Variants in FZD3 observed in about 807,000 individuals in gnomAD.
FZD3 encodes the protein frizzled class receptor 3, also known as frizzled-3.
In FZD3, 30 loss-of-function variants were observed where a neutral mutation model predicts 60.7. The ratio of observed to expected loss-of-function variants is 0.49; its 90% CI spans 0.37 to 0.67. The LOEUF (loss-of-function observed/expected upper bound fraction) is 0.67, where lower values mean the gene tolerates loss of function less well. Among genes scored for constraint, FZD3 ranks in the 30% least tolerant of loss-of-function variants. FZD3 has a pLI of 0.00. For missense variants in FZD3, 605 were observed against 838.7 expected, an observed-to-expected ratio of 0.72 and a Z score of 3.44; for synonymous variants, 246 against 275.2, an observed-to-expected ratio of 0.89 and a Z score of 1.05.
chr8:28,500,416 C>T (rs1475300242), intron 2 of FZD3, among the ~76,000 whole-genome samples: 1 of 152,178 alleles, frequency 6.6e-6, no homozygotes, highest in East Asian at 1.9e-4. Context: ...TGAGATATTG[C>T]TCAGTTTCTT....
intron 3 of FZD3, among the ~76,000 whole-genome samples, chr8:28,517,612 G>A (rs1447146047): frequency 1.3e-5 from 2 of 151,842 alleles, no homozygotes; most frequent in African/African-American, 4.8e-5. Flanking sequence ...CCTTTTTTCT[G>A]TATTTTTTGG....
chr8:28,531,853 T>C lies in FZD3; in HGVS notation c.1404+3689T>C, dbSNP rs1309288173. Among the ~76,000 whole-genome samples the C allele has an allele frequency of 2.0e-5, 3 of 152,312 alleles. No individual in the cohort carries two copies. The East Asian group carries it at 5.8e-4, about 29-fold the overall frequency. On this transcript the variant is annotated intron_variant, in intron 5 of 7. Coordinates refer to ENST00000240093, the MANE Select transcript of FZD3 (RefSeq NM_017412.4). ...ATTTGCGTTACAGATATTTTCTGCT[T>C]TGTGGCTTGTCTTTTCACTTTATTT...
At chr8:28,529,248 T>C (rs746757158) in intron 5 of FZD3, among the ~76,000 whole-genome samples, 2 of 152,112 alleles carry the variant, frequency 1.3e-5, no homozygotes, top group South Asian at 2.1e-4. Flanking sequence ...CAAGTTTTCT[T>C]AAAAGAGTAC....
At chr8:28,547,517 A>C (rs1411184937) in intron 5 of FZD3, among the ~76,000 whole-genome samples, 1 of 152,196 alleles carries the variant, frequency 6.6e-6, no homozygotes, top group African/African-American at 2.4e-5. Flanking sequence ...AATATATGAG[A>C]GTATTCGTCC....
chr8:28,509,658 C>A (rs1172174219), intron 3 of FZD3, among the ~76,000 whole-genome samples: 1 of 152,190 alleles, frequency 6.6e-6, no homozygotes, highest in Non-Finnish European at 1.5e-5. Flanking sequence ...AAGTTGACCA[C>A]TCTATGTATT....
At chr8:28,547,343 A>G (rs563905737) in intron 5 of FZD3, among the ~76,000 whole-genome samples, 84 of 152,334 alleles carry the variant, frequency 5.5e-4, no homozygotes, top group Non-Finnish European at 1.1e-3. Context: ...ATATTTTACA[A>G]TTGGTATATG....
intron 7 of FZD3, among the ~76,000 whole-genome samples, chr8:28,560,772 G>A (rs989351713): frequency 6.6e-6 from 1 of 152,012 alleles, no homozygotes; most frequent in African/African-American, 2.4e-5. Context: ...TGGAAACTTG[G>A]AATAATCTTC....
chr8:28,526,769 G>T (rs1804723761), intron 4 of FZD3, among the ~76,000 whole-genome samples: 1 of 152,092 alleles, frequency 6.6e-6, no homozygotes, highest in Admixed American at 6.6e-5. Context: ...ACTATTTGAT[G>T]CATATAAAAC....
chr8:28,530,158 G>T (rs546529883), intron 5 of FZD3, among the ~76,000 whole-genome samples: 57 of 148,624 alleles, frequency 3.8e-4, no homozygotes, highest in Admixed American at 1.6e-3. Context: ...GGGATTAATA[G>T]TGTTTTCTGA....
At chr8:28,543,685 C>A (rs967827146) in intron 5 of FZD3, among the ~76,000 whole-genome samples, 1 of 151,198 alleles carries the variant, frequency 6.6e-6, no homozygotes. Flanking sequence ...CTGGCCCACA[C>A]TCTACTTTTA....
At chr8:28,546,643 A>AT (rs1805299940) in intron 5 of FZD3, among the ~76,000 whole-genome samples, 2 of 152,060 alleles carry the variant, frequency 1.3e-5, no homozygotes, top group South Asian at 4.2e-4. Context: ...TCATACGTAT[A>AT]TTTTTTTAAA....
At chr8:28,505,783 C>G (rs910132568) in intron 3 of FZD3, among the ~76,000 whole-genome samples, 2 of 152,220 alleles carry the variant, frequency 1.3e-5, no homozygotes, top group Non-Finnish European at 2.9e-5. Context: ...TATTCACAAT[C>G]AACAAGTTGG....
At chr8:28,498,017 A>G (rs1413238877) in intron 1 of FZD3, among the ~76,000 whole-genome samples, 1 of 152,276 alleles carries the variant, frequency 6.6e-6, no homozygotes, top group Non-Finnish European at 1.5e-5. Context: ...GGTTGGAAAT[A>G]TAAAATTCCT....
intron 3 of FZD3, among the ~76,000 whole-genome samples, chr8:28,515,074 GT>G (rs950068623): frequency 6.6e-6 from 1 of 152,072 alleles, no homozygotes; most frequent in Admixed American, 6.5e-5. Flanking sequence ...TCTGTATCTC[GT>G]TTTCTTCACA....
At position 28,568,774 on chromosome 8, in the gene FZD3, A is replaced by G. The variant is rs1227449549; in HGVS notation, c.*5763A>G. 3 of 152,272 alleles carry G rather than the reference A, an allele frequency of 2.0e-5. No homozygotes were observed. The highest frequency in any genetic ancestry group is 3.9e-4 in the East Asian group (2 of 5,192). 9.4% of individuals were successfully genotyped at this position (152,272 alleles called of 1,614,324 possible). ...TTACTTACTTCCTATAAGACACAGT[A>G]GTTCAATCTGTTGAAAGGCATTGAA... On this transcript the variant is annotated 3_prime_UTR_variant, in exon 8 of 8. Transcript: ENST00000240093.
intron 5 of FZD3, among the ~76,000 whole-genome samples, chr8:28,545,121 G>T (rs1185478404): frequency 6.6e-6 from 1 of 152,158 alleles, no homozygotes; most frequent in Non-Finnish European, 1.5e-5. Context: ...AAGTTTCATT[G>T]TGAGTTATGG....
At chr8:28,538,451 C>T (rs960381300) in intron 5 of FZD3, among the ~76,000 whole-genome samples, 1 of 152,098 alleles carries the variant, frequency 6.6e-6, no homozygotes, top group African/African-American at 2.4e-5. Flanking sequence ...ATATTGTACT[C>T]AGTTTTACAA....
intron 3 of FZD3, 140 bp downstream of exon 3, chr8:28,503,342 A>C (rs951787939): frequency 4.1e-5 from 21 of 508,938 alleles, no homozygotes; most frequent in Non-Finnish European, 6.5e-5. Context: ...TTAAAAATGT[A>C]TATGTTTTGC....
At chr8:28,554,566 T>G (rs1420077974) in intron 6 of FZD3, among the ~76,000 whole-genome samples, 1 of 152,160 alleles carries the variant, frequency 6.6e-6, no homozygotes. Flanking sequence ...TTGAAAGTTC[T>G]TTAATTTCTT....
Sources: gnomAD v4.1 joint callset for allele counts (sites outside exome capture counted in the v4.1 genomes callset) on GRCh38, gnomAD v4.1.1 for gene constraint, MANE v1.5 for transcripts, NCBI Gene and HGNC (gene_info 2026-07-23, HGNC 2026-07-21) for gene names.